Variants in PCDH15 observed in about 807,000 individuals in gnomAD.
PCDH15 encodes the protein protocadherin related 15.
In PCDH15, 129 loss-of-function variants were observed where a neutral mutation model predicts 178.5. That is an observed-to-expected ratio of 0.72 (90% CI 0.63 to 0.84). The LOEUF is 0.84. PCDH15 is among the 40% of genes least tolerant of loss of function. PCDH15 has a pLI of 0.00. For missense variants in PCDH15, 2,230 were observed against 2,099.9 expected (o/e 1.06, Z -1.21); for synonymous variants, 800 against 732.0 (o/e 1.09, Z -1.50).
Position 54,474,977 on chromosome 10 carries a change from T to C in PCDH15, c.157+52835A>G, listed in dbSNP as rs1403659394. On this transcript the variant is annotated intron_variant, in intron 3 of 37. Transcript: ENST00000644397. ...CCAACCTCTTTTACATGGAAAACAG[T>C]ATGAAATTTAGCCTATTCTGATATG... Among the ~76,000 whole-genome samples, 6 of 152,006 alleles carry C rather than the reference T, an allele frequency of 3.9e-5. No individual in the cohort carries two copies. In the East Asian group the frequency reaches 9.6e-4, roughly 24 times the overall value.
chr10:55,433,059 A>G (rs2132059088), intron 2 of PCDH15, among the ~76,000 whole-genome samples: 1 of 151,882 alleles, frequency 6.6e-6, no homozygotes, highest in African/African-American at 2.4e-5. Flanking sequence ...AACAAAACAA[A>G]AACAGAAGTA....
At chr10:54,071,263 G>A (rs891409572) in intron 17 of PCDH15, among the ~76,000 whole-genome samples, 2 of 152,092 alleles carry the variant, frequency 1.3e-5, no homozygotes, top group Non-Finnish European at 2.9e-5. Flanking sequence ...TGGGTTTTCT[G>A]ATTAGCATAT....
chr10:55,224,006 C>G (rs1840957573), intron 1 of PCDH15, among the ~76,000 whole-genome samples: 3 of 151,984 alleles, frequency 2.0e-5, no homozygotes, highest in Admixed American at 2.0e-4. Context: ...AATCGCAGCA[C>G]TTTGGGAGGC....
chr10:54,509,069 T>A (rs746610388), intron 3 of PCDH15, among the ~76,000 whole-genome samples: 13 of 152,158 alleles, frequency 8.5e-5, no homozygotes, highest in Non-Finnish European at 1.8e-4. Flanking sequence ...TCAAAAATTT[T>A]CAGATTTTAG....
intron 2 of PCDH15, among the ~76,000 whole-genome samples, chr10:55,076,205 G>T (rs537045725): frequency 1.3e-5 from 2 of 152,092 alleles, no homozygotes; most frequent in Non-Finnish European, 2.9e-5. Flanking sequence ...TGTATATTTT[G>T]CAGTTGTTGG....
chr10:55,247,403 C>T (rs1478501877), intron 1 of PCDH15, among the ~76,000 whole-genome samples: 1 of 152,100 alleles, frequency 6.6e-6, no homozygotes, highest in Non-Finnish European at 1.5e-5. Context: ...TTTTGAAAGA[C>T]AGCCAAATTT....
chr10:53,927,816 A>G (rs2084698705), intron 25 of PCDH15, among the ~76,000 whole-genome samples: 1 of 152,128 alleles, frequency 6.6e-6, no homozygotes, highest in Non-Finnish European at 1.5e-5. Context: ...GGGACAAAAT[A>G]AAATTGAATA....
chr10:55,079,344 T>C (rs1841983226), intron 2 of PCDH15, among the ~76,000 whole-genome samples: 1 of 152,202 alleles, frequency 6.6e-6, no homozygotes. Flanking sequence ...AGTCTCTGTA[T>C]GATTTCTTTG....
intron 13 of PCDH15, among the ~76,000 whole-genome samples, chr10:54,165,869 A>G (rs1378414330): frequency 6.6e-6 from 1 of 152,228 alleles, no homozygotes; most frequent in Admixed American, 6.5e-5. Context: ...TGGAAAAGAA[A>G]CAGAAACAAT....
intron 21 of PCDH15, among the ~76,000 whole-genome samples, chr10:53,992,353 T>G (rs567823430): frequency 6.6e-6 from 1 of 152,280 alleles, no homozygotes; most frequent in East Asian, 1.9e-4. Context: ...CTTCTTGAAG[T>G]CGGTGAGACC....
At chr10:54,712,544 A>G (rs2095437263) in intron 1 of PCDH15, among the ~76,000 whole-genome samples, 1 of 152,014 alleles carries the variant, frequency 6.6e-6, no homozygotes, top group Non-Finnish European at 1.5e-5. Flanking sequence ...GAGGTTAGAA[A>G]GAACTCAGAT....
chr10:54,138,826 T>G (rs12265459), intron 14 of PCDH15, among the ~76,000 whole-genome samples: 2,398 of 152,318 alleles, frequency 0.016, 77 homozygotes, highest in African/African-American at 0.055. Context: ...ATCATGGCTA[T>G]AATTTTGAGG....
At chr10:54,675,428 T>C (rs1040024956) in intron 1 of PCDH15, among the ~76,000 whole-genome samples, 1 of 151,368 alleles carries the variant, frequency 6.6e-6, no homozygotes, top group Non-Finnish European at 1.5e-5. Context: ...AATTTCATTC[T>C]GACCTTTTTA....
intron 2 of PCDH15, among the ~76,000 whole-genome samples, chr10:55,611,119 G>T (rs1050129745): frequency 2.6e-5 from 4 of 151,988 alleles, no homozygotes; most frequent in African/African-American, 9.7e-5. Flanking sequence ...TGGTTTGGGC[G>T]ATGATTTCTT....
At chr10:55,235,616 G>A (rs908393423) in intron 1 of PCDH15, among the ~76,000 whole-genome samples, 1 of 151,990 alleles carries the variant, frequency 6.6e-6, no homozygotes, top group South Asian at 2.1e-4. Context: ...GGAACAATAA[G>A]AATCTTCTGG....
At chr10:55,418,697 G>A (rs1478274178) in intron 2 of PCDH15, among the ~76,000 whole-genome samples, 2 of 151,526 alleles carry the variant, frequency 1.3e-5, no homozygotes, top group Admixed American at 6.6e-5. Flanking sequence ...CAAAAGAAGA[G>A]GTAAATATGA....
intron 1 of PCDH15, among the ~76,000 whole-genome samples, chr10:54,766,925 A>G (rs1300981380): frequency 6.8e-6 from 1 of 147,400 alleles, no homozygotes; most frequent in Non-Finnish European, 1.5e-5. Context: ...GCGAGACTCC[A>G]TCTCAAAAAA....
intron 7 of PCDH15, among the ~76,000 whole-genome samples, chr10:54,325,756 A>G (rs997346894): frequency 1.3e-5 from 2 of 151,928 alleles, no homozygotes; most frequent in Admixed American, 6.6e-5. Flanking sequence ...TCCCCTCCCA[A>G]AAAGAAAATC....
At chr10:53,916,665 T>G (rs182019472) in intron 25 of PCDH15, among the ~76,000 whole-genome samples, 2,991 of 152,276 alleles carry the variant, frequency 0.02, 43 homozygotes, top group Non-Finnish European at 0.03. Context: ...CAATAAAACT[T>G]TAAGCATAAA....
Sources: allele counts gnomAD v4.1 joint callset (sites outside exome capture counted in the v4.1 genomes callset), GRCh38; gene constraint gnomAD v4.1.1; transcripts MANE v1.5; gene names NCBI Gene and HGNC (gene_info 2026-07-23, HGNC 2026-07-21).